PHKB: variants seen among roughly 807,000 people sequenced by gnomAD.
PHKB encodes phosphorylase b kinase regulatory subunit beta.
In PHKB, 122 loss-of-function variants were observed where a neutral mutation model predicts 152.1. That is an observed-to-expected ratio of 0.80 (90% confidence interval 0.69 to 0.93). PHKB has a LOEUF of 0.93. Among genes scored for constraint, PHKB ranks in the 40% least tolerant of loss-of-function variants. The pLI is 0.00. For missense variants in PHKB, 1,304 were observed against 1,328.4 expected, an observed-to-expected ratio of 0.98 and a Z score of 0.29; for synonymous variants, 436 against 464.9, an observed-to-expected ratio of 0.94 and a Z score of 0.80.
intron 26 of PHKB, among the ~76,000 whole-genome samples, chr16:47,672,975 G>A (rs556232076): frequency 3.9e-5 from 6 of 152,064 alleles, no homozygotes; most frequent in South Asian, 4.1e-4. Context: ...ATTATTCACC[G>A]TCCTGAAACT....
chr16:47,617,902 C>T (rs1972547874), intron 14 of PHKB, among the ~76,000 whole-genome samples: 1 of 152,214 alleles, frequency 6.6e-6, no homozygotes, highest in Non-Finnish European at 1.5e-5. Context: ...CAGTGGAAGC[C>T]TTAACTCATC....
At chr16:47,617,148 T>C (rs1972533478) in intron 14 of PHKB, among the ~76,000 whole-genome samples, 1 of 150,230 alleles carries the variant, frequency 6.7e-6, no homozygotes, top group Non-Finnish European at 1.5e-5. Context: ...TTTGGGGGCC[T>C]ATTCCCAAGA....
At chr16:47,487,900 T>C (rs111630596) in intron 1 of PHKB, among the ~76,000 whole-genome samples, 1 of 152,222 alleles carries the variant, frequency 6.6e-6, no homozygotes, top group Non-Finnish European at 1.5e-5. Context: ...GCAGTGAACA[T>C]ACACATGCAT....
At chr16:47,543,754 T>C (rs1487830220) in intron 6 of PHKB, among the ~76,000 whole-genome samples, 1 of 152,200 alleles carries the variant, frequency 6.6e-6, no homozygotes, top group Non-Finnish European at 1.5e-5. Context: ...CAGGAATTTA[T>C]CAATTTCTTC....
intron 6 of PHKB, among the ~76,000 whole-genome samples, chr16:47,530,307 T>C (rs535824451): frequency 6.6e-6 from 1 of 152,192 alleles, no homozygotes; most frequent in African/African-American, 2.4e-5. Flanking sequence ...AACTAATGTT[T>C]GTATTTTTAG....
intron 7 of PHKB, 128 bp from the exon 8 acceptor site, chr16:47,580,167 T>C: frequency 1.3e-6 from 1 of 740,846 alleles, no homozygotes; most frequent in Non-Finnish European, 2.4e-6. Context: ...CTCTTAGACA[T>C]TATTCTTCTT....
At chr16:47,607,775 G>C (rs1972353202) in intron 13 of PHKB, among the ~76,000 whole-genome samples, 1 of 152,180 alleles carries the variant, frequency 6.6e-6, no homozygotes, top group Non-Finnish European at 1.5e-5. Context: ...CAAAGCTGCT[G>C]TATCATTTTG....
chr16:47,681,475 T>C (rs995563235), intron 26 of PHKB, among the ~76,000 whole-genome samples: 2 of 149,928 alleles, frequency 1.3e-5, no homozygotes, highest in African/African-American at 2.4e-5. Context: ...GCATATATAT[T>C]TAGGATAGTT....
At chr16:47,571,831 C>G (rs1357066640) in intron 7 of PHKB, among the ~76,000 whole-genome samples, 3 of 152,178 alleles carry the variant, frequency 2.0e-5, no homozygotes, top group Non-Finnish European at 4.4e-5. Flanking sequence ...AAGAAACTTC[C>G]CATAGGCAGG....
chr16:47,499,612 A>G (rs1970289790), intron 2 of PHKB, 144 bp from the exon 3 acceptor site: 3 of 937,628 alleles, frequency 3.2e-6, no homozygotes, highest in Non-Finnish European at 5.2e-6. Flanking sequence ...AGTTGTTTCC[A>G]CATCTTCAGA....
intron 6 of PHKB, among the ~76,000 whole-genome samples, chr16:47,528,544 C>T (rs1970804455): frequency 6.6e-6 from 1 of 151,488 alleles, no homozygotes; most frequent in African/African-American, 2.4e-5. Flanking sequence ...AATTTTAAAC[C>T]AGGCTCAATT....
At chr16:47,634,050 T>C (rs192644412) in intron 14 of PHKB, among the ~76,000 whole-genome samples, 36 of 152,310 alleles carry the variant, frequency 2.4e-4, no homozygotes, top group Non-Finnish European at 4.3e-4. Context: ...GTTGCTGGCA[T>C]TGATAGATGG....
chr16:47,641,309 G>A (rs553150466), intron 15 of PHKB, among the ~76,000 whole-genome samples: 1 of 152,244 alleles, frequency 6.6e-6, no homozygotes, highest in African/African-American at 2.4e-5. Context: ...ATTAAAGACT[G>A]ACCAGTGCCA....
At chr16:47,464,631 C>T (rs988783258) in intron 1 of PHKB, among the ~76,000 whole-genome samples, 2 of 152,170 alleles carry the variant, frequency 1.3e-5, no homozygotes, top group African/African-American at 4.8e-5. Context: ...CTGGGTGATT[C>T]ATGGACCCAG....
At chr16:47,468,044 A>G (rs1229443963) in intron 1 of PHKB, among the ~76,000 whole-genome samples, 1 of 152,204 alleles carries the variant, frequency 6.6e-6, no homozygotes, top group Non-Finnish European at 1.5e-5. Flanking sequence ...CTAAACCATT[A>G]TTCTTCCAGC....
intron 20 of PHKB, among the ~76,000 whole-genome samples, chr16:47,652,460 A>G (rs921977382): frequency 6.6e-6 from 1 of 151,440 alleles, no homozygotes; most frequent in African/African-American, 2.4e-5. Context: ...TTCTCTGAGA[A>G]ATCTCCAAAC....
At position 47,503,005 on chromosome 16, in the gene PHKB, A is replaced by T. The variant is rs758324636; in HGVS notation, c.320A>T (p.Asp107Val). 2.5e-6 allele frequency: 4 copies of T among 1,612,230 alleles called. No individual in the cohort carries two copies. The highest frequency in any genetic ancestry group is 3.4e-6 in the Non-Finnish European group (4 of 1,178,346). ...LALAYRRIDDDKGRTHELEHS... is the reference protein window; with the variant it reads ...LALAYRRIDDVKGRTHELEHS... The stretch of plus-strand genomic sequence containing the variant: ...CTCTCACCCAGGCGAATTGATGATG[A>T]CAAGGGAAGGACCCATGAGCTGGAG... The change falls in exon 4 of 31, where the codon GAC (aspartate) becomes GTC (valine). Residue 107 changes from aspartate (D) to valine (V), a missense_variant. Physicochemically the swap from Asp to Val is radical, Grantham distance 152. Coordinates refer to ENST00000323584, the MANE Select transcript of PHKB (RefSeq NM_000293.3).
At chr16:47,648,472 A>G (rs1046997549) in intron 16 of PHKB, 61 bp from the exon 17 acceptor site, 32 of 1,106,902 alleles carry the variant, frequency 2.9e-5, no homozygotes, top group Non-Finnish European at 3.6e-5. Flanking sequence ...GACAATACTC[A>G]GGGGTGAGAA....
intron 3 of PHKB, among the ~76,000 whole-genome samples, chr16:47,502,086 C>T (rs1200800898): frequency 6.6e-6 from 1 of 152,094 alleles, no homozygotes; most frequent in Admixed American, 6.5e-5. Context: ...TATATGCAAT[C>T]TATGATTTAA....
Sources: gnomAD v4.1 joint callset for allele counts (sites outside exome capture counted in the v4.1 genomes callset) on GRCh38, gnomAD v4.1.1 for gene constraint, MANE v1.5 for transcripts, NCBI Gene and HGNC (gene_info 2026-07-23, HGNC 2026-07-21) for gene names.